Variants in HNF4A observed in about 807,000 individuals in gnomAD.
HNF4A encodes hepatocyte nuclear factor 4-alpha.
Under a neutral mutation model 52.4 loss-of-function variants are expected in HNF4A, and 15 were observed. That is an observed-to-expected ratio of 0.29 (90% CI 0.19 to 0.44). The LOEUF is 0.44. HNF4A is among the 20% of genes least tolerant of loss of function. HNF4A has a pLI of 1.00. For missense variants in HNF4A, 479 were observed against 647.2 expected (o/e 0.74, Z 2.82); for synonymous variants, 280 against 264.4 (o/e 1.06, Z -0.57).
At chr20:44,400,679 G>A (rs967486815), upstream of HNF4A, among the ~76,000 whole-genome samples, 3 of 152,146 alleles carry the variant, frequency 2.0e-5, no homozygotes, top group Non-Finnish European at 2.9e-5. Flanking sequence ...GAGCAGGAGC[G>A]GGGAATTGGA....
At chr20:44,415,366 C>T (rs576505422) in intron 5 of HNF4A, among the ~76,000 whole-genome samples, 1 of 152,280 alleles carries the variant, frequency 6.6e-6, no homozygotes, top group Admixed American at 6.5e-5. Context: ...AACAATTGAA[C>T]TGAGCATCAT....
intron 1 of HNF4A, chr20:44,377,648 A>C (rs1354240687): frequency 6.6e-6 from 1 of 152,210 alleles, no homozygotes; most frequent in Non-Finnish European, 1.5e-5. Flanking sequence ...CTGTAATCCC[A>C]GCCACTTGGG....
chr20:44,406,520 G>C lies in HNF4A; in HGVS notation c.290+288G>C, dbSNP rs3212184. On this transcript the variant is annotated intron_variant, in intron 2 of 9. Coordinates refer to ENST00000316099, the MANE Select transcript of HNF4A (RefSeq NM_000457.6). ...TACCCATCCCCTTGAGCCCATTGTT[G>C]TTTTTCCCATTCCATGGGGCCTCTC... Among the ~76,000 whole-genome samples, 105,052 of 152,154 alleles carry C rather than the reference G, an allele frequency of 0.69. 37,937 individuals carry two copies. The highest frequency in any genetic ancestry group is 0.97 in the East Asian group (5,023 of 5,174).
intron 1 of HNF4A, among the ~76,000 whole-genome samples, chr20:44,394,364 G>A (rs1213981416): frequency 6.6e-6 from 1 of 152,186 alleles, no homozygotes; most frequent in African/African-American, 2.4e-5. Flanking sequence ...ATGAGGGGAT[G>A]GGGCTGAATC....
At chr20:44,405,651 A>T (rs897535681) in intron 1 of HNF4A, among the ~76,000 whole-genome samples, 1 of 152,202 alleles carries the variant, frequency 6.6e-6, no homozygotes, top group African/African-American at 2.4e-5. Flanking sequence ...AGATCCACCC[A>T]GCCCTGGTCC....
chr20:44,367,664 T>C (rs1318587999), intron 1 of HNF4A, among the ~76,000 whole-genome samples: 1 of 151,172 alleles, frequency 6.6e-6, no homozygotes, highest in African/African-American at 2.4e-5. Flanking sequence ...AATTAACTCC[T>C]TGGCCAGACA....
chr20:44,401,357 C>A lies in HNF4A; in HGVS notation c.-16C>A. 6.2e-7 allele frequency: 1 copy of A among 1,613,888 alleles called. No individual in the cohort carries two copies. The highest frequency in any genetic ancestry group is 8.5e-7 in the Non-Finnish European group (1 of 1,179,960). Reference sequence around the variant, plus strand: ...CCCAGGGTAGGGCAGGTGGCCGCGGCGTGGAGGCAGGGAGAATGCGACTCT... The same window carrying A: ...CCCAGGGTAGGGCAGGTGGCCGCGGAGTGGAGGCAGGGAGAATGCGACTCT... On this transcript the variant is annotated 5_prime_UTR_variant, in exon 1 of 10. Coordinates refer to ENST00000316099, the MANE Select transcript of HNF4A (RefSeq NM_000457.6).
Position 44,432,523 on chromosome 20 carries a change from G to A in HNF4A, c.*2858G>A, listed in dbSNP as rs1007506008. On this transcript the variant is annotated 3_prime_UTR_variant, in exon 10 of 10. Transcript: ENST00000316099. ...AAATCCGCATGGCTCTCCTGAGAGT[G>A]GACAGAGGAGAGGAGAGGGTCAGAA... The A allele has an allele frequency of 6.6e-6, 1 of 151,512 alleles. No individual in the cohort carries two copies. Among genetic ancestry groups the A allele is most frequent in the African/African-American group, 2.4e-5 (1 of 41,208 alleles). The allele number at this position is 151,512 out of a possible 1,614,324, so 9.4% of individuals were successfully genotyped here.
chr20:44,400,549 G>A (rs1444961411), upstream of HNF4A, among the ~76,000 whole-genome samples: 5 of 152,216 alleles, frequency 3.3e-5, no homozygotes, highest in East Asian at 3.9e-4. Context: ...TGCCTGCTCC[G>A]GGAGGGGGTG....
chr20:44,420,635 G>C (rs888092149), intron 7 of HNF4A, among the ~76,000 whole-genome samples: 6 of 151,924 alleles, frequency 3.9e-5, no homozygotes, highest in African/African-American at 1.5e-4. Flanking sequence ...AAAAAAATTA[G>C]CCAGGGATAG....
chr20:44,402,992 G>C (rs758530420), intron 1 of HNF4A, among the ~76,000 whole-genome samples: 3 of 152,182 alleles, frequency 2.0e-5, no homozygotes, highest in Admixed American at 6.5e-5. Flanking sequence ...ATTCCCCCAG[G>C]CCTGCTGGCT....
intron 3 of HNF4A, among the ~76,000 whole-genome samples, chr20:44,410,345 G>T (rs2063564114): frequency 6.6e-6 from 1 of 152,224 alleles, no homozygotes; most frequent in Non-Finnish European, 1.5e-5. Context: ...TTGTTTACAT[G>T]CCTGGGTTAC....
chr20:44,383,877 T>G (rs2063186532), intron 1 of HNF4A, among the ~76,000 whole-genome samples: 1 of 150,190 alleles, frequency 6.7e-6, no homozygotes, highest in Admixed American at 6.7e-5. Flanking sequence ...TAAGACGGAG[T>G]TTCACTCTTG....
chr20:44,414,444 G>T, intron 4 of HNF4A, 63 bp from the exon 5 acceptor site: 1 of 1,609,270 alleles, frequency 6.2e-7, no homozygotes, highest in African/African-American at 1.3e-5. Context: ...GCTCTGTGCA[G>T]GGGACAGAGA....
rs558869734 is a variant in HNF4A at position 44,393,174 on chromosome 20, C to T, written c.50-12884C>T. Among the ~76,000 whole-genome samples the T allele has an allele frequency of 1.1e-4, 16 of 152,294 alleles. No individual in the cohort carries two copies. In the South Asian group the frequency reaches 2.3e-3, roughly 22 times the overall value. On this transcript the variant is annotated intron_variant, in intron 1 of 9. Coordinates refer to the HNF4A transcript ENST00000316673. ...ATCAGCCTTCAGGCCCCACAAGGGC[C>T]GGGAAGGCCGCATCTAATTCCCAAG...
At chr20:44,372,567 A>G (rs1465022157) in intron 1 of HNF4A, among the ~76,000 whole-genome samples, 2 of 152,204 alleles carry the variant, frequency 1.3e-5, no homozygotes, top group Admixed American at 1.3e-4. Context: ...AACAATAGTC[A>G]ATTTGAAAGC....
intron 2 of HNF4A, 87 bp downstream of exon 2, chr20:44,406,319 C>T: frequency 8.1e-7 from 1 of 1,230,094 alleles, no homozygotes; most frequent in Non-Finnish European, 1.2e-6. Flanking sequence ...GTGGGTAGGT[C>T]CCAGAGACAG....
intron 1 of HNF4A, chr20:44,372,892 G>C (rs1026168934): frequency 1.2e-4 from 18 of 152,350 alleles, no homozygotes; most frequent in Admixed American, 3.3e-4. Flanking sequence ...CAAATGAAGG[G>C]GCTAATAGGG....
chr20:44,426,412 AATG>A (rs2063814968), intron 8 of HNF4A, among the ~76,000 whole-genome samples: 1 of 152,032 alleles, frequency 6.6e-6, no homozygotes, highest in Non-Finnish European at 1.5e-5. Context: ...AACCCTTTGA[AATG>A]GTTTGACTAT....
Sources: gnomAD v4.1 joint callset for allele counts (sites outside exome capture counted in the v4.1 genomes callset) on GRCh38, gnomAD v4.1.1 for gene constraint, MANE v1.5 for transcripts, NCBI Gene and HGNC (gene_info 2026-07-23, HGNC 2026-07-21) for gene names.